MUC17: variants seen among roughly 807,000 people sequenced by gnomAD.
MUC17 encodes mucin-17.
MUC17 carries 190 observed loss-of-function variants against 170.3 expected under a neutral mutation model. That is an observed-to-expected ratio of 1.12 (90% CI 0.99 to 1.26). MUC17 has a LOEUF of 1.26. Among genes scored for constraint, MUC17 ranks in the 50% most tolerant of loss-of-function variants. The probability of loss-of-function intolerance (pLI) is 0.00; values close to 1 mark genes in which losing one functional copy is unlikely to be tolerated. For synonymous variants in MUC17, 2,325 were observed against 2,002.5 expected (o/e 1.16, Z -4.30); for missense variants, 6,415 against 5,530.0 (o/e 1.16, Z -5.08).
chr7:101,051,583 C>T (rs372925922), intron 7 of MUC17, 30 bp from the exon 8 acceptor site: 104 of 1,610,224 alleles, frequency 6.5e-5, no homozygotes, highest in Non-Finnish European at 8.6e-5. Flanking sequence ...GTGTATGTGT[C>T]GTGAGGGGTT....
At chr7:101,051,779 C>T (rs1214750871) in intron 8 of MUC17, 24 bp from the exon 9 acceptor site, 1 of 1,609,798 alleles carries the variant, frequency 6.2e-7, no homozygotes, top group Admixed American at 1.7e-5. Flanking sequence ...CACGGCTGTT[C>T]CCTGTCCCTG....
chr7:101,051,831 T>G lies in MUC17; in HGVS notation c.12972T>G (p.Tyr4324Ter). The G allele has an allele frequency of 6.2e-7, 1 of 1,614,132 alleles. No homozygotes were observed. Among genetic ancestry groups the G allele is most frequent in the Non-Finnish European group, 8.5e-7 (1 of 1,179,970 alleles). The stretch of plus-strand genomic sequence containing the variant: ...ACTGCCGGAAGATGGCCAAGGAATA[T>G]GGAGACTACTTCGTAGTGGAGTACC... The part of the protein sequence containing the change: ...EEDCRKMAKE[Y>*]GDYFVVEYRD... The change falls in exon 9 of 13, where the codon TAT becomes TAG. Residue 4324 changes from tyrosine to a stop codon, truncating the protein, a stop_gained. Transcript: ENST00000306151. LOFTEE classifies it high-confidence loss of function.
chr7:101,027,378 G>GC lies in MUC17; in HGVS notation c.83-3738dup, dbSNP rs547251802. On this transcript the variant is annotated intron_variant, in intron 1 of 12. Transcript: ENST00000306151. ...AACTCCTGGTCTCAAGTGATCCACC[G>GC]CCCCTTGGTCCCCTAAAGGGCTGGG... 2.9e-3 allele frequency among the ~76,000 whole-genome samples: 443 copies of GC among 151,410 alleles called. 5 individuals are homozygous for GC. The highest frequency in any genetic ancestry group is 0.01 in the African/African-American group (416 of 41,318).
chr7:101,037,086 T>A lies in MUC17; in HGVS notation c.5670T>A (p.Thr1890=). 6.3e-7 allele frequency: 1 copy of A among 1,582,656 alleles called. No homozygotes were observed. The highest frequency in any genetic ancestry group is 2.7e-5 in the East Asian group (1 of 37,274). ...ASSETNTLST[T]PAVTSTPVTT... ...CTGAAACCAACACCCTTTCAACAAC[T>A]CCCGCTGTCACCAGCACACCTGTGA... is the stretch of plus-strand genomic sequence containing the variant. The change falls in exon 3 of 13, where the codon ACT becomes ACA. Residue 1890 remains threonine, a synonymous_variant. Transcript: ENST00000306151.
Position 101,020,839 on chromosome 7 carries a change from T to G in MUC17, c.82+622T>G, listed in dbSNP as rs78727549. On this transcript the variant is annotated intron_variant, in intron 1 of 12. Transcript: ENST00000306151. ...TGAGGATCATTCCAGCTCAGCCGCT[T>G]TGGGCTTCATGGCCACAGGGACCCC... 0.016 allele frequency among the ~76,000 whole-genome samples: 2,508 copies of G among 152,244 alleles called. 154 individuals are homozygous for G. The East Asian group carries it at 0.17, about 10-fold the overall frequency.
In MUC17 at chr7:101,041,241, T is replaced by A. The variant is rs1182910624; in HGVS notation, c.9825T>A (p.Thr3275=). 1 of 1,611,820 alleles carries A rather than the reference T, an allele frequency of 6.2e-7. No individual in the cohort carries two copies. The highest frequency in any genetic ancestry group is 1.3e-5 in the African/African-American group (1 of 74,694). The part of the protein sequence containing the change: ...TAEGTSMPTS[T]PSEGSTPLTS... Reference sequence around the variant, plus strand: ...AAGGTACCAGCATGCCAACCTCAACTCCTAGTGAAGGAAGCACTCCATTAA... The same window carrying A: ...AAGGTACCAGCATGCCAACCTCAACACCTAGTGAAGGAAGCACTCCATTAA... Residue 3275 remains threonine (T), a synonymous_variant, in exon 3 of 13, where the codon ACT becomes ACA. Transcript: ENST00000306151.
At position 101,040,256 on chromosome 7, in the gene MUC17, C is replaced by A. The variant is rs147718179; in HGVS notation, c.8840C>A (p.Thr2947Asn). 3.2e-4 allele frequency: 510 copies of A among 1,610,728 alleles called. 3 individuals carry two copies. In the African/African-American group the frequency reaches 5.5e-3, roughly 17 times the overall value. The change falls in exon 3 of 13, where the codon ACC (threonine) becomes AAC (asparagine). Residue 2947 changes from threonine (T) to asparagine (N), a missense_variant. Transcript: ENST00000306151. ...CCAGTGGCCGGTTCTGAGGCTAGCACCCTTTCAACAACTCCTGTTGACACC... is the reference window on the plus strand; with the variant it reads ...CCAGTGGCCGGTTCTGAGGCTAGCAACCTTTCAACAACTCCTGTTGACACC... Reference protein sequence around the residue: ...TVPVAGSEASTLSTTPVDTRT... With the variant: ...TVPVAGSEASNLSTTPVDTRT...
intron 11 of MUC17, among the ~76,000 whole-genome samples, chr7:101,054,057 C>CAAAAAAAAAAA (rs58623975): frequency 1.7e-4 from 7 of 40,382 alleles, no homozygotes; most frequent in South Asian, 2.1e-3. Flanking sequence ...AAGACCCTGT[C>CAAAAAAAAAAA]AAAAAAAAAA....
rs771789815 is a variant in MUC17, at chr7:101,033,159, G to A, written c.1743G>A (p.Leu581=). The A allele has an allele frequency of 1.2e-5, 20 of 1,611,700 alleles. No individual in the cohort carries two copies. The highest frequency in any genetic ancestry group is 1.7e-5 in the Non-Finnish European group (20 of 1,178,668). ...CAAACATGCCTGTCAGCACCAGGCT[G>A]GTGGTCAGTTCTGAGGCTAGCACCA... is the stretch of plus-strand genomic sequence containing the variant. The part of the protein sequence containing the change: ...PLTNMPVSTR[L]VVSSEASTTS... The change falls in exon 3 of 13, where the codon CTG becomes CTA. Residue 581 remains leucine, a synonymous_variant. Coordinates refer to ENST00000306151, the MANE Select transcript of MUC17 (RefSeq NM_001040105.2).
rs768800921 is a variant in MUC17, at chr7:101,033,672, G to C, written c.2256G>C (p.Met752Ile). The change falls in exon 3 of 13, where the codon ATG becomes ATC. Residue 752 changes from methionine to isoleucine, a missense_variant. Met to Ile is a conservative substitution (Grantham distance 10). Transcript: ENST00000306151. ...AAGGAAGCACTCCATTAACAAGTAT[G>C]CCTGTCAGCAAAACGCTGTTGACCA... ...PSEGSTPLTS[M>I]PVSKTLLTSS... 3.1e-6 allele frequency: 5 copies of C among 1,613,260 alleles called. No individual in the cohort carries two copies. The East Asian group carries it at 1.1e-4, about 36-fold the overall frequency.
rs780601805 is a variant in MUC17, at chr7:101,037,469, C to A, written c.6053C>A (p.Thr2018Asn). 3.5e-5 allele frequency: 57 copies of A among 1,612,124 alleles called. No homozygotes were observed. The highest frequency in any genetic ancestry group is 3.3e-4 in the Middle Eastern group (2 of 6,042). Reference protein sequence around the residue: ...TPVDTSTPATTSTEGSSSPTT... With the variant: ...TPVDTSTPATNSTEGSSSPTT... ...GTTGACACCAGCACTCCTGCCACCACTTCTACTGAAGGCAGTTCATCTCCT... is the reference window on the plus strand; with the variant it reads ...GTTGACACCAGCACTCCTGCCACCAATTCTACTGAAGGCAGTTCATCTCCT... The change falls in exon 3 of 13, where the codon ACT becomes AAT. Residue 2018 changes from threonine to asparagine, a missense_variant. Transcript: ENST00000306151.
At position 101,040,784 on chromosome 7, in the gene MUC17, G is replaced by A; in HGVS notation, c.9368G>A (p.Ser3123Asn). ...STTPVTSSAI[S>N]TLSTTPVDTS... The stretch of plus-strand genomic sequence containing the variant: ...ACACCGGTGACCAGTTCTGCAATCA[G>A]CACCCTTTCAACAACTCCTGTTGAC... The change falls in exon 3 of 13, where the codon AGC (serine) becomes AAC (asparagine). Residue 3123 changes from serine to asparagine, a missense_variant. Physicochemically the swap from Ser to Asn is conservative, Grantham distance 46 (BLOSUM62 1). Transcript: ENST00000306151. The A allele has an allele frequency of 1.2e-6, 2 of 1,613,156 alleles. No individual in the cohort carries two copies. Among genetic ancestry groups the A allele is most frequent in the East Asian group, 2.2e-5 (1 of 44,840 alleles).
intron 9 of MUC17, 119 bp from the exon 10 acceptor site, chr7:101,052,867 C>T: frequency 9.7e-6 from 12 of 1,242,894 alleles, no homozygotes; most frequent in South Asian, 1.5e-5. Flanking sequence ...TTGCTTTATG[C>T]CCCCTGGCAA....
chr7:101,038,145 T>G lies in MUC17; in HGVS notation c.6729T>G (p.Thr2243=). 6.2e-7 allele frequency: 1 copy of G among 1,613,516 alleles called. No individual in the cohort carries two copies. Among genetic ancestry groups the G allele is most frequent in the Non-Finnish European group, 8.5e-7 (1 of 1,179,876 alleles). The change falls in exon 3 of 13, where the codon ACT becomes ACG. Residue 2243 remains threonine, a synonymous_variant. Transcript: ENST00000306151. ...CTGAGGCTAGCACCCTTTCAGCAAC[T>G]CCTGTTGACACCAGCACACCTGTGA... ...VTSEASTLSA[T]PVDTSTPVTT...
In MUC17 at chr7:101,033,879, T is replaced by C. The variant is rs776256902; in HGVS notation, c.2463T>C (p.Pro821=). 3.7e-6 allele frequency: 6 copies of C among 1,613,596 alleles called. No homozygotes were observed. The highest frequency in any genetic ancestry group is 5.1e-6 in the Non-Finnish European group (6 of 1,179,812). The stretch of plus-strand genomic sequence containing the variant: ...TCAGCATCACACCGGTGACCAGTCC[T>C]GAGGCTAGCACCCTTTCAACAACTC... ...IPVSITPVTS[P]EASTLSTTPV... Residue 821 remains proline (P), a synonymous_variant, in exon 3 of 13, where the codon CCT becomes CCC. Coordinates refer to ENST00000306151, the MANE Select transcript of MUC17 (RefSeq NM_001040105.2).
At chr7:101,051,531 TCA>T in intron 7 of MUC17, 80 bp from the exon 8 acceptor site, 71 of 1,411,048 alleles carry the variant, frequency 5.0e-5, no homozygotes, top group Admixed American at 6.2e-5. Flanking sequence ...CACCCCCTTC[TCA>T]CACACACACG....
Position 101,038,271 on chromosome 7 carries a change from T to C in MUC17, c.6855T>C (p.Pro2285=). The change falls in exon 3 of 13, where the codon CCT becomes CCC. Residue 2285 remains proline, a synonymous_variant. Coordinates refer to ENST00000306151, the MANE Select transcript of MUC17 (RefSeq NM_001040105.2). ...GAACGACTCCATTAACAAGTATACC[T>C]GTCAGCCACACGCTGGTGGCCAATT... ...SEGTTPLTSI[P]VSHTLVANSE... is the part of the protein sequence containing the mutation. 2 of 1,613,958 alleles carry C rather than the reference T, an allele frequency of 1.2e-6. No individual in the cohort carries two copies. The highest frequency in any genetic ancestry group is 1.7e-6 in the Non-Finnish European group (2 of 1,179,894).
chr7:101,037,359 T>C lies in MUC17; in HGVS notation c.5943T>C (p.Ser1981=). The change falls in exon 3 of 13, where the codon AGT becomes AGC. Residue 1981 remains serine (S), a synonymous_variant. Coordinates refer to ENST00000306151, the MANE Select transcript of MUC17 (RefSeq NM_001040105.2). ...CCAGCATGCCAACCCCAGCTTATAGTGAAGGAAGCACTCCACTAACAAGTA... is the reference window on the plus strand; with the variant it reads ...CCAGCATGCCAACCCCAGCTTATAGCGAAGGAAGCACTCCACTAACAAGTA... The part of the protein sequence containing the change: ...DGTSMPTPAY[S]EGSTPLTSMP... 2 of 1,614,030 alleles carry C rather than the reference T, an allele frequency of 1.2e-6. No individual in the cohort carries two copies. Among genetic ancestry groups the C allele is most frequent in the South Asian group, 2.2e-5 (2 of 91,066 alleles).
rs146503208 is a variant in MUC17 at position 101,047,194 on chromosome 7, A to C, written c.12404-790A>C. Among the ~76,000 whole-genome samples the C allele has an allele frequency of 9.3e-4, 142 of 152,336 alleles. 2 individuals are homozygous for C. The East Asian group carries it at 0.026, about 28-fold the overall frequency. ...TTAAAAAAGAATCAGAATGAGTCAT[A>C]ACAGTAACGATTGCCAGTATGGGCT... On this transcript the variant is annotated intron_variant, in intron 3 of 12. Coordinates refer to ENST00000306151, the MANE Select transcript of MUC17 (RefSeq NM_001040105.2).
Sources: gnomAD v4.1 joint callset for allele counts (sites outside exome capture counted in the v4.1 genomes callset) on GRCh38, gnomAD v4.1.1 for gene constraint, MANE v1.5 for transcripts, NCBI Gene and HGNC (gene_info 2026-07-23, HGNC 2026-07-21) for gene names.